TDRD1: variants seen among roughly 807,000 people sequenced by gnomAD.
TDRD1 encodes the protein tudor domain-containing protein 1.
In TDRD1, 37 loss-of-function variants were observed where a neutral mutation model predicts 140.6. The ratio of observed to expected loss-of-function variants is 0.26; its 90% CI spans 0.20 to 0.35. The LOEUF (loss-of-function observed/expected upper bound fraction) is 0.35. TDRD1 is among the 10% of genes least tolerant of loss of function. The probability of loss-of-function intolerance (pLI) is 1.00; values close to 1 mark genes in which losing one functional copy is unlikely to be tolerated. For synonymous variants in TDRD1, 506 were observed against 475.7 expected (o/e 1.06, Z -0.83); for missense variants, 1,243 against 1,393.0 (o/e 0.89, Z 1.71).
In TDRD1 at chr10:114,184,017, G is replaced by A. The variant is rs539074916; in HGVS notation, c.-6-3809G>A. ...GTAGAGGTACCAAGTCAGTGGCTAGGAATGCTTTTTAAAAACCCCATAGAT... is the reference window on the plus strand; with the variant it reads ...GTAGAGGTACCAAGTCAGTGGCTAGAAATGCTTTTTAAAAACCCCATAGAT... On this transcript the variant is annotated intron_variant, in intron 1 of 25. Transcript: ENST00000251864. 3.9e-5 allele frequency among the ~76,000 whole-genome samples: 6 copies of A among 152,128 alleles called. No individual in the cohort carries two copies. In the South Asian group the frequency reaches 1.2e-3, roughly 32 times the overall value.
At chr10:114,223,364 C>A (rs1312189941) in intron 21 of TDRD1, among the ~76,000 whole-genome samples, 1 of 152,176 alleles carries the variant, frequency 6.6e-6, no homozygotes, top group Non-Finnish European at 1.5e-5. Flanking sequence ...TAGCTGGGAA[C>A]AAGGTCTTGA....
At chr10:114,206,208 T>A (rs2035088436) in intron 10 of TDRD1, 36 bp from the exon 11 acceptor site, 1 of 1,454,584 alleles carries the variant, frequency 6.9e-7, no homozygotes, top group Non-Finnish European at 9.6e-7. Context: ...TTGTATAGTT[T>A]CTCAATGGAG....
intron 25 of TDRD1, chr10:114,228,624 A>G (rs2036578884): frequency 4.1e-6 from 4 of 985,448 alleles, no homozygotes; most frequent in Non-Finnish European, 4.8e-6. Flanking sequence ...TTTAAAAACA[A>G]AACATACTCC....
chr10:114,197,968 T>C (rs2034482081), intron 3 of TDRD1, among the ~76,000 whole-genome samples: 1 of 152,180 alleles, frequency 6.6e-6, no homozygotes. Flanking sequence ...TGTATCGTAT[T>C]TAAACTTCCT....
intron 21 of TDRD1, among the ~76,000 whole-genome samples, chr10:114,223,303 C>T (rs1003415076): frequency 2.0e-5 from 3 of 152,148 alleles, no homozygotes; most frequent in Non-Finnish European, 4.4e-5. Flanking sequence ...GGATGGCAGC[C>T]ACGTGGGGCT....
exon 20 of TDRD1, chr10:114,221,433 C>T (rs2036139051): frequency 6.2e-7 from 1 of 1,613,548 alleles, no homozygotes. Context: ...TATTAGAAAT[C>T]ATAAGCCCAA....
intron 2 of TDRD1, among the ~76,000 whole-genome samples, chr10:114,189,269 A>G (rs907528578): frequency 1.3e-5 from 2 of 152,212 alleles, no homozygotes; most frequent in South Asian, 4.1e-4. Context: ...TGAAATGGGA[A>G]TTACTCCTGA....
At chr10:114,226,512 G>A (rs1379821286) in intron 22 of TDRD1, among the ~76,000 whole-genome samples, 4 of 152,200 alleles carry the variant, frequency 2.6e-5, no homozygotes, top group South Asian at 2.1e-4. Context: ...GTGAAACAGG[G>A]TGTCTGGTGT....
Position 114,179,434 on chromosome 10 carries a change from T to G in TDRD1, c.-7+18T>G, listed in dbSNP as rs2032835802. ...CTTTCCAGGTCAGGGTTCCCAGGCG[T>G]ATAGGGGAGGGAGAGGGCCTGCATG... On this transcript the variant is annotated intron_variant, in intron 1 of 25. Transcript: ENST00000251864. The G allele has an allele frequency of 6.7e-6, 1 of 149,760 alleles. No individual in the cohort carries two copies. The highest frequency in any genetic ancestry group is 2.0e-4 in the East Asian group (1 of 5,070). The allele number at this position is 149,760 out of a possible 1,614,324, so 9.3% of individuals were successfully genotyped here. A position where few individuals can be genotyped will look rare whatever the true frequency, so the allele number is the denominator to read the frequency against.
intron 11 of TDRD1, among the ~76,000 whole-genome samples, chr10:114,208,042 T>C (rs2133035839): frequency 6.6e-6 from 1 of 152,146 alleles, no homozygotes; most frequent in African/African-American, 2.4e-5. Context: ...AACCAGGTGC[T>C]GCCAGTGGGG....
At chr10:114,209,576 T>C (rs927537120) in intron 11 of TDRD1, among the ~76,000 whole-genome samples, 2 of 152,250 alleles carry the variant, frequency 1.3e-5, no homozygotes, top group African/African-American at 4.8e-5. Context: ...CTTGAGATCA[T>C]TAAATTTACT....
intron 3 of TDRD1, among the ~76,000 whole-genome samples, chr10:114,194,565 T>C (rs1241120434): frequency 6.6e-6 from 1 of 152,138 alleles, no homozygotes; most frequent in Non-Finnish European, 1.5e-5. Flanking sequence ...CTTTTCTTTA[T>C]TGTCTGTCTT....
intron 21 of TDRD1, among the ~76,000 whole-genome samples, chr10:114,224,192 T>G (rs2036306594): frequency 1.3e-5 from 2 of 152,376 alleles, no homozygotes; most frequent in Non-Finnish European, 2.9e-5. Context: ...ATAGGTTGCC[T>G]GGATGCAGAA....
At chr10:114,205,149 C>T (rs1442769205) in intron 10 of TDRD1, among the ~76,000 whole-genome samples, 1 of 152,206 alleles carries the variant, frequency 6.6e-6, no homozygotes, top group South Asian at 2.1e-4. Flanking sequence ...AATATCTACT[C>T]CTGAATATTG....
intron 15 of TDRD1, 41 bp downstream of exon 15, chr10:114,213,629 C>T (rs1564958223): frequency 1.3e-6 from 2 of 1,564,948 alleles, no homozygotes; most frequent in Non-Finnish European, 1.7e-6. Context: ...TTCTGGAGTT[C>T]AGATGGTTCT....
chr10:114,230,368 C>T (rs1464152935), intron 25 of TDRD1, among the ~76,000 whole-genome samples: 1 of 152,224 alleles, frequency 6.6e-6, no homozygotes, highest in Non-Finnish European at 1.5e-5. Flanking sequence ...ATTTTATTTA[C>T]ATTTGAATAC....
At chr10:114,202,920 A>G (rs2034856151) in intron 6 of TDRD1, 152 bp from the exon 7 acceptor site, 2 of 638,866 alleles carry the variant, frequency 3.1e-6, no homozygotes, top group Non-Finnish European at 5.6e-6. Context: ...AGTGGGTTTT[A>G]GTGACTCTTG....
chr10:114,186,521 T>C (rs1012136684), intron 1 of TDRD1, among the ~76,000 whole-genome samples: 6 of 152,192 alleles, frequency 3.9e-5, no homozygotes, highest in Admixed American at 2.0e-4. Context: ...TGCCTCAGCC[T>C]CTCAAAGTGC....
chr10:114,213,959 G>GT lies in TDRD1; in HGVS notation c.2075-15dup. ...CCCTCCTCCACTATGTCCATTTAAT[G>GT]TTTAATTATTTTCACAGTTCCCTTG... On this transcript the variant is annotated splice_polypyrimidine_tract_variant and intron_variant, in intron 15 of 25. Transcript: ENST00000251864. 6.2e-7 allele frequency: 1 copy of GT among 1,613,668 alleles called. No individual in the cohort carries two copies. Among genetic ancestry groups the GT allele is most frequent in the Non-Finnish European group, 8.5e-7 (1 of 1,179,716 alleles).
Sources: gnomAD v4.1 joint callset for allele counts (sites outside exome capture counted in the v4.1 genomes callset) on GRCh38, gnomAD v4.1.1 for gene constraint, MANE v1.5 for transcripts, NCBI Gene and HGNC (gene_info 2026-07-23, HGNC 2026-07-21) for gene names.